SLC25A36: variants seen among roughly 807,000 people sequenced by gnomAD.
The protein encoded by SLC25A36 is solute carrier family 25 member 36, also known as epididymis secretory sperm binding protein.
A neutral mutation model predicts 35.3 loss-of-function variants in SLC25A36; 24 were observed. The observed-to-expected ratio is 0.68, with a 90% CI of 0.49 to 0.96. SLC25A36 has a LOEUF of 0.96. Among genes scored for constraint, SLC25A36 ranks in the 40% least tolerant of loss-of-function variants. The pLI is 0.00. For synonymous variants in SLC25A36, 141 were observed against 132.2 expected (o/e 1.07, Z -0.46); for missense variants, 294 against 381.1 (o/e 0.77, Z 1.90).
chr3:140,974,580 G>C (rs1321096377), intron 6 of SLC25A36, among the ~76,000 whole-genome samples: 1 of 152,006 alleles, frequency 6.6e-6, no homozygotes, highest in Non-Finnish European at 1.5e-5. Context: ...TTTTATTTCT[G>C]TATTTAAATT....
At position 140,941,855 on chromosome 3, in the gene SLC25A36, C is replaced by T. The variant is rs1205105768; in HGVS notation, c.-200C>T. ...GCTTTCAGCCTCTGGTGAAGGGCGG[C>T]GCGCTTAGGCAGGCGGTGGCGCGGC... On this transcript the variant is annotated 5_prime_UTR_variant, in exon 1 of 7. Coordinates refer to ENST00000324194, the MANE Select transcript of SLC25A36 (RefSeq NM_001104647.3). 4 of 504,486 alleles carry T rather than the reference C, an allele frequency of 7.9e-6. No individual in the cohort carries two copies. Among genetic ancestry groups the T allele is most frequent in the East Asian group, 3.6e-5 (1 of 27,972 alleles). The allele number at this position is 504,486 out of a possible 1,614,324, so 31.3% of individuals were successfully genotyped here.
At chr3:140,950,169 A>C (rs1934280431) in intron 1 of SLC25A36, among the ~76,000 whole-genome samples, 1 of 152,140 alleles carries the variant, frequency 6.6e-6, no homozygotes, top group Admixed American at 6.6e-5. Context: ...TGACAATACA[A>C]ATATTGTTCA....
chr3:140,946,091 T>G (rs980387415), intron 1 of SLC25A36, among the ~76,000 whole-genome samples: 1 of 152,200 alleles, frequency 6.6e-6, no homozygotes, highest in African/African-American at 2.4e-5. Context: ...TAATATAGTA[T>G]TGAAGAATAT....
chr3:140,942,382 T>G, intron 1 of SLC25A36: 14 of 291,964 alleles, frequency 4.8e-5, no homozygotes, highest in South Asian at 1.0e-4. Flanking sequence ...GAGTGAGGTT[T>G]TGGGCCCGCG....
At chr3:140,969,782 T>C (rs754567913) in intron 4 of SLC25A36, among the ~76,000 whole-genome samples, 7 of 151,936 alleles carry the variant, frequency 4.6e-5, no homozygotes, top group Non-Finnish European at 1.0e-4. Flanking sequence ...TTCTTAAGTA[T>C]ATTGTAGCAT....
At chr3:140,953,397 G>GA (rs146616113) in intron 1 of SLC25A36, among the ~76,000 whole-genome samples, 11 of 120,608 alleles carry the variant, frequency 9.1e-5, no homozygotes, top group Non-Finnish European at 1.7e-4. Context: ...GACATTTTTT[G>GA]GGGGGGGGGT....
chr3:140,963,072 G>A, intron 3 of SLC25A36, 55 bp from the exon 4 acceptor site: 1 of 1,106,172 alleles, frequency 9.0e-7, no homozygotes, highest in Non-Finnish European at 1.3e-6. Context: ...CAATTTATAT[G>A]TAAATCTTAC....
Position 140,941,891 on chromosome 3 carries a change from CG to C in SLC25A36, c.-160del. ...AGGCGGTGGCGCGGCTGGAGTGCCG[CG>C]GGGAGGGCTGTGCCGGTTGCTTTCT... On this transcript the variant is annotated 5_prime_UTR_variant, in exon 1 of 7. Coordinates refer to ENST00000324194, the MANE Select transcript of SLC25A36 (RefSeq NM_001104647.3). The C allele has an allele frequency of 1.9e-6, 1 of 512,896 alleles. No individual in the cohort carries two copies. The highest frequency in any genetic ancestry group is 3.5e-6 in the Non-Finnish European group (1 of 287,360). 31.8% of individuals were successfully genotyped at this position (512,896 alleles called of 1,614,324 possible). A position where few individuals can be genotyped will look rare whatever the true frequency, so the allele number is the denominator to read the frequency against.
At chr3:140,972,719 G>A (rs184773550) in intron 5 of SLC25A36, 2 of 152,090 alleles carry the variant, frequency 1.3e-5, no homozygotes, top group African/African-American at 4.8e-5. Context: ...TGTGAGGAAG[G>A]ATCTTTAATG....
Position 140,963,131 on chromosome 3 carries a change from A to C in SLC25A36, c.289A>C (p.Ile97Leu), listed in dbSNP as rs1017924604. Residue 97 changes from isoleucine to leucine, a missense_variant, in exon 4 of 7, where the codon ATA (isoleucine) becomes CTA (leucine). Ile to Leu is a conservative substitution (Grantham distance 5). Transcript: ENST00000324194. Reference sequence around the variant, plus strand: ...AAATCTAAATCTCTATTTTAGAGCAATATACTTTGCTGCTTATTCAAACTG... The same window carrying C: ...AAATCTAAATCTCTATTTTAGAGCACTATACTTTGCTGCTTATTCAAACTG... ...NLVGVAPSRAIYFAAYSNCKE... is the reference protein window; with the variant it reads ...NLVGVAPSRALYFAAYSNCKE... 6.4e-7 allele frequency: 1 copy of C among 1,571,556 alleles called. No individual in the cohort carries two copies.
At chr3:140,942,424 C>G in intron 1 of SLC25A36, 1 of 227,622 alleles carries the variant, frequency 4.4e-6, no homozygotes, top group Non-Finnish European at 8.7e-6. Context: ...CGAATCCATG[C>G]GTCTGAGGAG....
chr3:140,958,512 T>C (rs1934538391), intron 2 of SLC25A36, among the ~76,000 whole-genome samples: 1 of 152,226 alleles, frequency 6.6e-6, no homozygotes, highest in East Asian at 1.9e-4. Flanking sequence ...CTACTTACTT[T>C]TTCTAGTTAT....
chr3:140,969,418 T>C (rs1375632418), intron 4 of SLC25A36, among the ~76,000 whole-genome samples: 1 of 151,936 alleles, frequency 6.6e-6, no homozygotes, highest in African/African-American at 2.4e-5. Flanking sequence ...TCTAGTTTTA[T>C]ACTTACATAT....
chr3:140,956,891 C>A (rs1934494926), intron 2 of SLC25A36, 200 bp downstream of exon 2: 1 of 883,724 alleles, frequency 1.1e-6, no homozygotes, highest in Non-Finnish European at 1.5e-6. Flanking sequence ...TGTAATTTTA[C>A]TTCCAAATCA....
chr3:140,953,574 C>G (rs781492374), intron 1 of SLC25A36, among the ~76,000 whole-genome samples: 1 of 152,074 alleles, frequency 6.6e-6, no homozygotes, highest in African/African-American at 2.4e-5. Flanking sequence ...GTCAAGGTAT[C>G]GTTTACATAC....
chr3:140,941,995 C>A lies in SLC25A36; in HGVS notation c.-60C>A. On this transcript the variant is annotated 5_prime_UTR_variant, in exon 1 of 7. Transcript: ENST00000324194. The stretch of plus-strand genomic sequence containing the variant: ...CCAGTCCGGGACCGAAGCCGCCTGC[C>A]GTAGCGGGCGGCCAGATCCGCGTCC... 1 of 918,724 alleles carries A rather than the reference C, an allele frequency of 1.1e-6. No individual in the cohort carries two copies. Among genetic ancestry groups the A allele is most frequent in the Non-Finnish European group, 1.7e-6 (1 of 584,506 alleles). The allele number at this position is 918,724 out of a possible 1,614,324, so 56.9% of individuals were successfully genotyped here. A position where few individuals can be genotyped will look rare whatever the true frequency, so the allele number is the denominator to read the frequency against.
At position 140,980,693 on chromosome 3, in the gene SLC25A36, T is replaced by G. The variant is rs1413804819; in HGVS notation, c.*4240T>G. On this transcript the variant is annotated 3_prime_UTR_variant, in exon 7 of 7. Coordinates refer to ENST00000324194, the MANE Select transcript of SLC25A36 (RefSeq NM_001104647.3). ...GCAAAATGTAATTAAATGTTCCCCCTGCCCCCCCCCCCTTTTAATATATAT... is the reference window on the plus strand; with the variant it reads ...GCAAAATGTAATTAAATGTTCCCCCGGCCCCCCCCCCCTTTTAATATATAT... Among the ~76,000 whole-genome samples, 1 of 44,528 alleles carries G rather than the reference T, an allele frequency of 2.2e-5. No individual in the cohort carries two copies. Among genetic ancestry groups the G allele is most frequent in the African/African-American group, 1.0e-4 (1 of 10,030 alleles). The allele number at this position is 44,528 out of a possible 152,430, so 29.2% of individuals were successfully genotyped here. A position where few individuals can be genotyped will look rare whatever the true frequency, so the allele number is the denominator to read the frequency against.
intron 1 of SLC25A36, among the ~76,000 whole-genome samples, chr3:140,954,247 A>G (rs1934417603): frequency 6.6e-6 from 1 of 152,232 alleles, no homozygotes; most frequent in Non-Finnish European, 1.5e-5. Context: ...TTACTGCAGA[A>G]TAGTATTCTA....
chr3:140,949,564 T>C (rs1934263870), intron 1 of SLC25A36, among the ~76,000 whole-genome samples: 1 of 152,238 alleles, frequency 6.6e-6, no homozygotes, highest in African/African-American at 2.4e-5. Flanking sequence ...AAACTTTAAA[T>C]GAGTGTCAAT....
Sources: gnomAD v4.1 joint callset for allele counts (sites outside exome capture counted in the v4.1 genomes callset) on GRCh38, gnomAD v4.1.1 for gene constraint, MANE v1.5 for transcripts, NCBI Gene and HGNC (gene_info 2026-07-23, HGNC 2026-07-21) for gene names.